Variants in ATP2C2 observed in about 807,000 individuals in gnomAD.
ATP2C2 encodes the protein ATPase secretory pathway Ca2+ transporting 2, also known as calcium-transporting ATPase type 2C member 2.
Under a neutral mutation model 110.8 loss-of-function variants are expected in ATP2C2, and 171 were observed. The ratio of observed to expected loss-of-function variants is 1.54; its 90% confidence interval spans 1.36 to 1.75. The LOEUF is 1.75. Ranked by LOEUF, ATP2C2 falls within the 40% of genes most tolerant of loss-of-function variation. The pLI, the probability that ATP2C2 is intolerant of heterozygous loss-of-function variation, is 0.00. For missense variants in ATP2C2, 1,963 were observed against 1,235.0 expected (o/e 1.59, Z -8.84); for synonymous variants, 804 against 508.4 (o/e 1.58, Z -7.82).
intron 11 of ATP2C2, 116 bp from the exon 12 acceptor site, chr16:84,439,050 A>G: frequency 6.9e-7 from 1 of 1,456,642 alleles, no homozygotes; most frequent in Non-Finnish European, 9.3e-7. Flanking sequence ...GACTAGAACC[A>G]GGACACTGGG....
chr16:84,383,958 T>C (rs1904291438), intron 1 of ATP2C2, among the ~76,000 whole-genome samples: 1 of 152,080 alleles, frequency 6.6e-6, no homozygotes, highest in Non-Finnish European at 1.5e-5. Context: ...CCCAGCTAAT[T>C]TTTGTATTGT....
chr16:84,380,755 G>A (rs1355473971), intron 1 of ATP2C2, among the ~76,000 whole-genome samples: 1 of 152,222 alleles, frequency 6.6e-6, no homozygotes, highest in Non-Finnish European at 1.5e-5. Context: ...CAATGGGGTA[G>A]TAACTAAGTG....
In ATP2C2 at chr16:84,415,519, A is replaced by G. The variant is rs1906754494; in HGVS notation, c.552A>G (p.Arg184=). Residue 184 remains arginine, a synonymous_variant, in exon 7 of 27, where the codon CGA becomes CGG. Transcript: ENST00000262429. ...REGKLQHLLA[R]ELVPGDVVSL... is the part of the protein sequence containing the mutation. Reference sequence around the variant, plus strand: ...GAAAACTCCAGCACCTGCTTGCTCGAGAACTGGTTCCTGGTGATGTCGTAT... The same window carrying G: ...GAAAACTCCAGCACCTGCTTGCTCGGGAACTGGTTCCTGGTGATGTCGTAT... 1.2e-6 allele frequency: 2 copies of G among 1,614,080 alleles called. No homozygotes were observed. The highest frequency in any genetic ancestry group is 1.7e-6 in the Non-Finnish European group (2 of 1,180,046).
At chr16:84,416,686 A>G (rs989922114) in intron 7 of ATP2C2, among the ~76,000 whole-genome samples, 3 of 152,164 alleles carry the variant, frequency 2.0e-5, no homozygotes, top group African/African-American at 7.2e-5. Flanking sequence ...TCAGTTACCA[A>G]AGTGAGGGAG....
chr16:84,439,848 T>C (rs1183128922), intron 13 of ATP2C2, among the ~76,000 whole-genome samples: 1 of 152,296 alleles, frequency 6.6e-6, no homozygotes, highest in East Asian at 1.9e-4. Flanking sequence ...GTTTGTTTGT[T>C]TGTGAGAGAC....
intron 1 of ATP2C2, among the ~76,000 whole-genome samples, chr16:84,384,430 G>A (rs180904906): frequency 3.3e-5 from 5 of 152,340 alleles, no homozygotes; most frequent in South Asian, 4.1e-4. Flanking sequence ...CCTGTGGCAC[G>A]ATACTGTGTC....
intron 18 of ATP2C2, among the ~76,000 whole-genome samples, chr16:84,452,904 G>C (rs1394796459): frequency 3.3e-5 from 5 of 152,098 alleles, no homozygotes; most frequent in African/African-American, 1.2e-4. Context: ...CTTACCAGCT[G>C]TGTGTCCTCG....
chr16:84,401,453 G>C (rs1567697185), intron 2 of ATP2C2, among the ~76,000 whole-genome samples: 2 of 151,962 alleles, frequency 1.3e-5, no homozygotes, highest in Non-Finnish European at 2.9e-5. Context: ...TCGAACTCCT[G>C]ACCTCAGGTA....
At chr16:84,376,860 A>G (rs1376544553) in intron 1 of ATP2C2, among the ~76,000 whole-genome samples, 1 of 152,208 alleles carries the variant, frequency 6.6e-6, no homozygotes, top group East Asian at 1.9e-4. Context: ...ATCTCTGTGC[A>G]ATTGCACTGG....
intron 1 of ATP2C2, among the ~76,000 whole-genome samples, chr16:84,377,008 C>T (rs935299856): frequency 2.6e-5 from 4 of 152,186 alleles, no homozygotes; most frequent in Non-Finnish European, 4.4e-5. Flanking sequence ...GCTTCAGAGG[C>T]TAATAATCCC....
chr16:84,382,073 T>C (rs1910608745), intron 1 of ATP2C2, among the ~76,000 whole-genome samples: 1 of 152,118 alleles, frequency 6.6e-6, no homozygotes. Context: ...GCCATGGTGG[T>C]TTGCTGCACC....
intron 1 of ATP2C2, among the ~76,000 whole-genome samples, chr16:84,389,320 A>C (rs900094222): frequency 6.6e-6 from 1 of 152,124 alleles, no homozygotes; most frequent in Non-Finnish European, 1.5e-5. Context: ...ATTCCCCGCG[A>C]TCTGCACTGG....
chr16:84,459,815 T>C (rs997317864), intron 23 of ATP2C2: 3 of 479,798 alleles, frequency 6.3e-6, no homozygotes, highest in African/African-American at 3.9e-5. Context: ...GTCTCCCCTT[T>C]AGAACATCAG....
Position 84,398,830 on chromosome 16 carries a change from C to T in ATP2C2, c.210+221C>T, listed in dbSNP as rs61276163. On this transcript the variant is annotated intron_variant, in intron 2 of 26. Coordinates refer to ENST00000262429, the MANE Select transcript of ATP2C2 (RefSeq NM_014861.4). ...TCACCAGGCCCTTACCGGAAGACGGCGTCCTTTGAGACACTCTGTGTACGC... is the reference window on the plus strand; with the variant it reads ...TCACCAGGCCCTTACCGGAAGACGGTGTCCTTTGAGACACTCTGTGTACGC... Among the ~76,000 whole-genome samples, 1,075 of 152,272 alleles carry T rather than the reference C, an allele frequency of 7.1e-3. 17 individuals are homozygous for T. Among genetic ancestry groups the T allele is most frequent in the African/African-American group, 0.025 (1,018 of 41,550 alleles).
intron 1 of ATP2C2, among the ~76,000 whole-genome samples, chr16:84,377,213 G>A (rs1219134718): frequency 6.6e-6 from 1 of 152,160 alleles, no homozygotes; most frequent in African/African-American, 2.4e-5. Flanking sequence ...TGTGTGCTAA[G>A]TCCTAGTAGT....
rs901392520 is a variant in ATP2C2 at position 84,423,200 on chromosome 16, C to A, written c.856C>A (p.Pro286Thr). ...CTCACCCTTTCAGACACCTAAAACT[C>A]CTTTGCAGAAAAGCATGGACAGGCT... ...MMQAEETPKT[P>T]LQKSMDRLGK... Residue 286 changes from proline (P) to threonine (T), a missense_variant, in exon 10 of 27, where the codon CCT becomes ACT. Physicochemically the swap from Pro to Thr is conservative, Grantham distance 38 (BLOSUM62 -1). Transcript: ENST00000262429. 1 of 1,614,076 alleles carries A rather than the reference C, an allele frequency of 6.2e-7. No individual in the cohort carries two copies. Among genetic ancestry groups the A allele is most frequent in the Non-Finnish European group, 8.5e-7 (1 of 1,179,972 alleles).
intron 1 of ATP2C2, among the ~76,000 whole-genome samples, chr16:84,386,485 C>T (rs1904327375): frequency 6.6e-6 from 1 of 152,176 alleles, no homozygotes; most frequent in East Asian, 1.9e-4. Context: ...CCAACAATTG[C>T]ACTGGCCACC....
chr16:84,433,600 C>T (rs1227933308), intron 11 of ATP2C2, among the ~76,000 whole-genome samples: 1 of 151,744 alleles, frequency 6.6e-6, no homozygotes, highest in Non-Finnish European at 1.5e-5. Context: ...TGTGGCGAGC[C>T]GAGATCGCAC....
rs148131620 is a variant in ATP2C2, at chr16:84,448,707, C to A, written c.1660+18C>A. Reference sequence around the variant, plus strand: ...TTTGCGGGGTCAGTGCCTGTGGTCCCGGCCCAGAGCTTTAAGCTTGCATGT... The same window carrying A: ...TTTGCGGGGTCAGTGCCTGTGGTCCAGGCCCAGAGCTTTAAGCTTGCATGT... On this transcript the variant is annotated intron_variant, in intron 17 of 26. Coordinates refer to ENST00000262429, the MANE Select transcript of ATP2C2 (RefSeq NM_014861.4). 1.3e-6 allele frequency: 2 copies of A among 1,599,160 alleles called. No homozygotes were observed. Among genetic ancestry groups the A allele is most frequent in the South Asian group, 1.1e-5 (1 of 89,664 alleles).
Sources: allele counts gnomAD v4.1 joint callset (sites outside exome capture counted in the v4.1 genomes callset), GRCh38; gene constraint gnomAD v4.1.1; transcripts MANE v1.5; gene names NCBI Gene and HGNC (gene_info 2026-07-23, HGNC 2026-07-21).